CCDC150: variants seen among roughly 807,000 people sequenced by gnomAD.
CCDC150 encodes coiled-coil domain containing 150.
A neutral mutation model predicts 156.5 loss-of-function variants in CCDC150; 151 were observed. That is an observed-to-expected ratio of 0.97 (90% confidence interval 0.85 to 1.10). CCDC150 has a LOEUF of 1.10. CCDC150 is among the 50% of genes least tolerant of loss of function. The probability of loss-of-function intolerance (pLI) is 0.00; values close to 1 mark genes in which losing one functional copy is unlikely to be tolerated. For missense variants in CCDC150, 1,312 were observed against 1,268.1 expected (o/e 1.03, Z -0.53); for synonymous variants, 452 against 429.4 (o/e 1.05, Z -0.65).
intron 21 of CCDC150, among the ~76,000 whole-genome samples, chr2:196,724,281 A>G (rs943408050): frequency 6.6e-6 from 1 of 152,186 alleles, no homozygotes; most frequent in Admixed American, 6.5e-5. Flanking sequence ...TTACCTCAGT[A>G]AAAAGAAGAA....
intron 2 of CCDC150, among the ~76,000 whole-genome samples, chr2:196,646,930 T>C (rs1692578259): frequency 6.6e-6 from 1 of 152,144 alleles, no homozygotes; most frequent in South Asian, 2.1e-4. Context: ...TTGAAGTCTT[T>C]AAAAATTTTA....
intron 14 of CCDC150, 131 bp downstream of exon 14, chr2:196,695,290 C>T: frequency 1.9e-6 from 1 of 519,024 alleles, no homozygotes; most frequent in Non-Finnish European, 3.5e-6. Flanking sequence ...GAGATTCTTA[C>T]AGTATTCAAA....
intron 17 of CCDC150, chr2:196,718,302 G>T (rs1697662607): frequency 3.0e-6 from 1 of 336,448 alleles, no homozygotes. Context: ...GGAGATTAAT[G>T]TATTGGATTT....
intron 13 of CCDC150, among the ~76,000 whole-genome samples, chr2:196,682,522 AG>A (rs905570236): frequency 1.2e-4 from 18 of 152,180 alleles, no homozygotes; most frequent in Admixed American, 7.9e-4. Flanking sequence ...AATTTTGGTA[AG>A]GTTTACATTG....
chr2:196,700,533 G>A (rs1696137018), intron 14 of CCDC150, among the ~76,000 whole-genome samples: 1 of 152,088 alleles, frequency 6.6e-6, no homozygotes, highest in Non-Finnish European at 1.5e-5. Context: ...CATTATTAAA[G>A]GCTGTTTGAA....
chr2:196,662,873 C>A (rs1693635097), intron 5 of CCDC150, among the ~76,000 whole-genome samples: 1 of 149,472 alleles, frequency 6.7e-6, no homozygotes, highest in Non-Finnish European at 1.5e-5. Flanking sequence ...GAGGTCGAGG[C>A]TGCAGCGATC....
intron 4 of CCDC150, among the ~76,000 whole-genome samples, chr2:196,658,218 G>C (rs1398367279): frequency 2.0e-5 from 3 of 152,030 alleles, no homozygotes; most frequent in African/African-American, 7.2e-5. Flanking sequence ...GTCTGATCTA[G>C]GGTTGTGGCA....
chr2:196,676,474 C>T (rs2125616153), intron 11 of CCDC150, 80 bp from the exon 12 acceptor site: 1 of 1,370,258 alleles, frequency 7.3e-7, no homozygotes, highest in Non-Finnish European at 1.0e-6. Context: ...GAAATATGTT[C>T]TATAAGAACA....
At chr2:196,719,352 AAAATAT>A in intron 18 of CCDC150, 139 bp from the exon 19 acceptor site, 1 of 590,984 alleles carries the variant, frequency 1.7e-6, no homozygotes, top group South Asian at 4.0e-5. Flanking sequence ...ACCTAAAAAT[AAAATAT>A]ACTTTAATTA....
Position 196,732,499 on chromosome 2 carries a change from G to A in CCDC150, c.3243G>A (p.Trp1081Ter). 2 of 1,613,772 alleles carry A rather than the reference G, an allele frequency of 1.2e-6. No homozygotes were observed. The highest frequency in any genetic ancestry group is 1.7e-6 in the Non-Finnish European group (2 of 1,179,788). ...VMSNQSVLHR[W>*]ERKQNLRPMP... The stretch of plus-strand genomic sequence containing the variant: ...CCAACCAATCTGTTCTGCATCGATG[G>A]GAGAGAAAACAGAATCTTAGGCCCA... Residue 1081 changes from tryptophan (W) to a stop codon, truncating the protein, a stop_gained, in exon 28 of 28, where the codon TGG becomes TGA. Transcript: ENST00000389175. LOFTEE classifies it high-confidence loss of function.
rs1330262537 is a variant in CCDC150 at position 196,665,670 on chromosome 2, T to G, written c.749T>G (p.Val250Gly). 2 of 1,586,742 alleles carry G rather than the reference T, an allele frequency of 1.3e-6. No homozygotes were observed. Among genetic ancestry groups the G allele is most frequent in the Non-Finnish European group, 1.7e-6 (2 of 1,165,134 alleles). Residue 250 changes from valine to glycine, a missense_variant, in exon 6 of 28, where the codon GTA becomes GGA. Val to Gly is a moderately radical substitution (Grantham distance 109). Coordinates refer to ENST00000389175, the MANE Select transcript of CCDC150 (RefSeq NM_001080539.2). ...KIQEMGSTVE[V>G]ERKQVHILQQ... ...CAAGAAATGGGATCAACAGTGGAGG[T>G]AGAACGAAAACAGGTAGAAAGATTT...
chr2:196,732,362 A>G, intron 27 of CCDC150, 84 bp from the exon 28 acceptor site: 1 of 1,145,926 alleles, frequency 8.7e-7, no homozygotes, highest in Middle Eastern at 2.0e-4. Flanking sequence ...TCATGAATAG[A>G]TGACATGTGT....
chr2:196,732,206 T>G (rs1698555857), intron 27 of CCDC150, 54 bp downstream of exon 27: 5 of 1,600,124 alleles, frequency 3.1e-6, no homozygotes, highest in Non-Finnish European at 4.3e-6. Flanking sequence ...GCTTCTCAGA[T>G]TTCTAATTAC....
intron 9 of CCDC150, among the ~76,000 whole-genome samples, chr2:196,674,034 A>G (rs903890498): frequency 7.9e-5 from 12 of 152,174 alleles, no homozygotes; most frequent in African/African-American, 2.7e-4. Context: ...CAAATCAACA[A>G]ATCTCTTAAT....
At position 196,726,095 on chromosome 2, in the gene CCDC150, C is replaced by T. The variant is rs1303453183; in HGVS notation, c.2552C>T (p.Ala851Val). The change falls in exon 22 of 28, where the codon GCT becomes GTT. Residue 851 changes from alanine to valine, a missense_variant. Ala to Val is a moderately conservative substitution (Grantham distance 64, BLOSUM62 0). Coordinates refer to ENST00000389175, the MANE Select transcript of CCDC150 (RefSeq NM_001080539.2). ...TTKKVAQREV[A>V]ELKKALDEAN... ...AAGAAAGTGGCACAACGGGAAGTGG[C>T]TGAGGTATAGTCATGAGAAAAGTTT... The T allele has an allele frequency of 3.1e-6, 5 of 1,612,802 alleles. No individual in the cohort carries two copies. The highest frequency in any genetic ancestry group is 4.2e-6 in the Non-Finnish European group (5 of 1,179,382).
intron 18 of CCDC150, 92 bp downstream of exon 18, chr2:196,718,723 T>C: frequency 6.7e-7 from 1 of 1,494,108 alleles, no homozygotes; most frequent in Non-Finnish European, 9.0e-7. Flanking sequence ...CTTGCTTCCA[T>C]TAGAATAAGG....
At chr2:196,728,414 A>G (rs1031465529) in intron 22 of CCDC150, among the ~76,000 whole-genome samples, 4 of 152,164 alleles carry the variant, frequency 2.6e-5, no homozygotes, top group African/African-American at 9.7e-5. Flanking sequence ...TGCTGTGTTA[A>G]ATGCTACCAT....
chr2:196,688,570 C>T (rs545592037), intron 13 of CCDC150, among the ~76,000 whole-genome samples: 32 of 152,066 alleles, frequency 2.1e-4, no homozygotes, highest in Middle Eastern at 6.8e-3. Context: ...TCATGTCCTT[C>T]GCCCACTTTT....
At chr2:196,698,925 G>C (rs1696003159) in intron 14 of CCDC150, among the ~76,000 whole-genome samples, 1 of 151,848 alleles carries the variant, frequency 6.6e-6, no homozygotes, top group Non-Finnish European at 1.5e-5. Flanking sequence ...TTGTAGCTTT[G>C]CTTTTGTGGT....
Sources: allele counts gnomAD v4.1 joint callset (sites outside exome capture counted in the v4.1 genomes callset), GRCh38; gene constraint gnomAD v4.1.1; transcripts MANE v1.5; gene names NCBI Gene and HGNC (gene_info 2026-07-23, HGNC 2026-07-21).